NTM: variants seen among roughly 807,000 people sequenced by gnomAD.
The protein encoded by NTM is IgLON family member 2.
A neutral mutation model predicts 42.1 loss-of-function variants in NTM; 13 were observed. That is an observed-to-expected ratio of 0.31 (90% CI 0.20 to 0.49). The LOEUF is 0.49. Ranked by LOEUF, NTM falls within the 20% of genes least tolerant of loss-of-function variation. NTM has a pLI of 0.99. For missense variants in NTM, 373 were observed against 452.8 expected, an observed-to-expected ratio of 0.82 and a Z score of 1.60; for synonymous variants, 187 against 179.2, an observed-to-expected ratio of 1.04 and a Z score of -0.35.
intron 1 of NTM, among the ~76,000 whole-genome samples, chr11:131,818,277 C>G (rs2093033996): frequency 6.6e-6 from 1 of 152,162 alleles, no homozygotes; most frequent in Non-Finnish European, 1.5e-5. Context: ...AGACTCGCTC[C>G]CATTGACTTT....
At chr11:131,772,416 T>C (rs748148292) in intron 1 of NTM, among the ~76,000 whole-genome samples, 4 of 152,164 alleles carry the variant, frequency 2.6e-5, no homozygotes, top group Non-Finnish European at 4.4e-5. Flanking sequence ...TTATCCTGGG[T>C]GGGCCTGACC....
intron 2 of NTM, among the ~76,000 whole-genome samples, chr11:131,999,635 G>T (rs1287317609): frequency 1.3e-5 from 2 of 152,238 alleles, no homozygotes; most frequent in Non-Finnish European, 2.9e-5. Context: ...GCATAAGTTA[G>T]TGGAGAAAAC....
chr11:131,982,107 T>C (rs1374879374), intron 2 of NTM, among the ~76,000 whole-genome samples: 1 of 151,070 alleles, frequency 6.6e-6, no homozygotes, highest in Non-Finnish European at 1.5e-5. Flanking sequence ...AAAGAAACCG[T>C]GCAGTTTGAA....
chr11:131,800,225 T>G (rs2091986383), intron 1 of NTM, among the ~76,000 whole-genome samples: 1 of 152,238 alleles, frequency 6.6e-6, no homozygotes, highest in African/African-American at 2.4e-5. Flanking sequence ...TTTAAAGAAG[T>G]AATTGCAATC....
chr11:132,005,451 CAGAT>C (rs1222801348), intron 2 of NTM, among the ~76,000 whole-genome samples: 1 of 151,956 alleles, frequency 6.6e-6, no homozygotes, highest in Non-Finnish European at 1.5e-5. Flanking sequence ...TTGTGGCAGA[CAGAT>C]AGATAGTAGG....
chr11:131,571,765 G>T (rs180979505), intron 1 of NTM, among the ~76,000 whole-genome samples: 35 of 152,328 alleles, frequency 2.3e-4, no homozygotes, highest in Non-Finnish European at 4.6e-4. Flanking sequence ...ACAGAAGGCT[G>T]CAGTCTGAAT....
At chr11:132,047,390 G>A (rs1325987760) in intron 2 of NTM, among the ~76,000 whole-genome samples, 2 of 151,968 alleles carry the variant, frequency 1.3e-5, no homozygotes, top group Non-Finnish European at 1.5e-5. Context: ...CAAATTTCAA[G>A]CAAAGGCTCC....
At chr11:132,316,021 CAAATCT>C (rs1174968304) in intron 7 of NTM, among the ~76,000 whole-genome samples, 1 of 152,122 alleles carries the variant, frequency 6.6e-6, no homozygotes, top group Admixed American at 6.5e-5. Context: ...CCTTGCTTTG[CAAATCT>C]AAATCTAAGG....
chr11:131,569,088 C>T (rs567452999), intron 1 of NTM, among the ~76,000 whole-genome samples: 1 of 152,244 alleles, frequency 6.6e-6, no homozygotes, highest in Admixed American at 6.5e-5. Flanking sequence ...ACCGTTGCTC[C>T]AGTCCTAGGC....
At chr11:131,718,200 T>A (rs2077929825) in intron 1 of NTM, among the ~76,000 whole-genome samples, 1 of 152,192 alleles carries the variant, frequency 6.6e-6, no homozygotes, top group Non-Finnish European at 1.5e-5. Context: ...CCAGTTTTGT[T>A]TTTAAGGTAA....
intron 8 of NTM, among the ~76,000 whole-genome samples, chr11:132,333,965 G>A (rs559167210): frequency 1.3e-5 from 2 of 152,280 alleles, no homozygotes; most frequent in African/African-American, 2.4e-5. Context: ...AGGCAGGCAG[G>A]TTCTGGCTTT....
At chr11:131,606,217 T>C (rs2060944751) in intron 1 of NTM, among the ~76,000 whole-genome samples, 1 of 152,144 alleles carries the variant, frequency 6.6e-6, no homozygotes, top group African/African-American at 2.4e-5. Context: ...CATGCTGGTG[T>C]ATTTAAAAAA....
chr11:132,079,332 G>A (rs1029255619), intron 2 of NTM, among the ~76,000 whole-genome samples: 7 of 152,166 alleles, frequency 4.6e-5, no homozygotes, highest in African/African-American at 1.7e-4. Context: ...AAAACTTAGT[G>A]GACACAAGTT....
At chr11:131,981,496 GTTAAGTGATTAAAATAAAGCACTT>G (rs1320770733) in intron 2 of NTM, 1 of 152,182 alleles carries the variant, frequency 6.6e-6, no homozygotes, top group Non-Finnish European at 1.5e-5. Flanking sequence ...GCATGAAGCT[GTTAAGTGATTAAAATAAAGCACTT>G]TTATGGAAAC....
At chr11:132,160,865 G>A (rs1045831439) in intron 3 of NTM, among the ~76,000 whole-genome samples, 10 of 152,172 alleles carry the variant, frequency 6.6e-5, no homozygotes, top group African/African-American at 1.9e-4. Flanking sequence ...AGCATCCCCC[G>A]CAGGCAGTGA....
At chr11:131,520,384 A>G (rs2049471115) in intron 1 of NTM, among the ~76,000 whole-genome samples, 1 of 152,212 alleles carries the variant, frequency 6.6e-6, no homozygotes, top group African/African-American at 2.4e-5. Flanking sequence ...CTAAGATCAA[A>G]AAGATTGTAA....
chr11:132,127,401 T>TC (rs1407504193), intron 2 of NTM, among the ~76,000 whole-genome samples: 1 of 152,262 alleles, frequency 6.6e-6, no homozygotes, highest in East Asian at 1.9e-4. Flanking sequence ...TAGAGAGGGA[T>TC]CTGCAGTGTG....
At chr11:131,758,561 T>TTTCC (rs886458611) in intron 1 of NTM, among the ~76,000 whole-genome samples, 2 of 151,876 alleles carry the variant, frequency 1.3e-5, no homozygotes, top group Non-Finnish European at 2.9e-5. Context: ...TTCTTCTTTC[T>TTTCC]TTCCTTCCTT....
At chr11:131,497,571 G>C (rs1163039293) in intron 1 of NTM, among the ~76,000 whole-genome samples, 1 of 152,200 alleles carries the variant, frequency 6.6e-6, no homozygotes, top group Non-Finnish European at 1.5e-5. Context: ...ACATTAAAAA[G>C]TGCCTGTGGG....
Sources: gnomAD v4.1 joint callset for allele counts (sites outside exome capture counted in the v4.1 genomes callset) on GRCh38, gnomAD v4.1.1 for gene constraint, MANE v1.5 for transcripts, NCBI Gene and HGNC (gene_info 2026-07-23, HGNC 2026-07-21) for gene names.